The following ARSG variants were observed in gnomAD, a reference collection of about 807,000 sequenced individuals.
ARSG encodes ASG.
In ARSG, 37 loss-of-function variants were observed where a neutral mutation model predicts 50.5. The ratio of observed to expected loss-of-function variants is 0.73; its 90% CI spans 0.56 to 0.96. ARSG has a LOEUF of 0.96. Among genes scored for constraint, ARSG ranks in the 50% least tolerant of loss-of-function variants. The probability of loss-of-function intolerance (pLI) is 0.00; values close to 1 mark genes in which losing one functional copy is unlikely to be tolerated. For missense variants in ARSG, 629 were observed against 675.3 expected, an observed-to-expected ratio of 0.93 and a Z score of 0.76; for synonymous variants, 225 against 254.6, an observed-to-expected ratio of 0.88 and a Z score of 1.11.
At chr17:68,395,431 T>TA (rs1397230010) in intron 10 of ARSG, among the ~76,000 whole-genome samples, 1 of 152,134 alleles carries the variant, frequency 6.6e-6, no homozygotes, top group Non-Finnish European at 1.5e-5. Context: ...ATACTAAAGA[T>TA]ACAAAAATTA....
At chr17:68,424,604 G>A (rs542990415), downstream of ARSG, 15 of 471,510 alleles carry the variant, frequency 3.2e-5, no homozygotes, top group East Asian at 1.1e-4. Context: ...GGCCGGGTGC[G>A]GCGGTTCACG....
At chr17:68,356,901 GCA>G in intron 6 of ARSG, 97 bp downstream of exon 6, 2 of 1,469,602 alleles carry the variant, frequency 1.4e-6, no homozygotes, top group South Asian at 2.5e-5. Flanking sequence ...TGAGGCCATG[GCA>G]GAGTTTTGCT....
At chr17:68,350,602 G>A (rs1466185873) in intron 4 of ARSG, among the ~76,000 whole-genome samples, 3 of 151,924 alleles carry the variant, frequency 2.0e-5, no homozygotes, top group Non-Finnish European at 2.9e-5. Flanking sequence ...TGGCTAACAC[G>A]GTGAAAACCC....
intron 2 of ARSG, among the ~76,000 whole-genome samples, chr17:68,312,270 A>G (rs1227815853): frequency 6.6e-6 from 1 of 152,158 alleles, no homozygotes; most frequent in African/African-American, 2.4e-5. Flanking sequence ...TGGGCAATTA[A>G]TAAATATTTG....
chr17:68,303,193 T>C (rs1200879472), intron 1 of ARSG, among the ~76,000 whole-genome samples: 2 of 152,078 alleles, frequency 1.3e-5, no homozygotes, highest in African/African-American at 4.8e-5. Context: ...GGCACCATCA[T>C]AGCTCGCCAC....
chr17:68,323,535 G>A (rs1193537405), intron 2 of ARSG, among the ~76,000 whole-genome samples: 1 of 152,024 alleles, frequency 6.6e-6, no homozygotes, highest in Non-Finnish European at 1.5e-5. Context: ...TAGGTATGAG[G>A]CACCACTCCC....
chr17:68,435,653 G>A, the ARSG span: 6 of 1,614,108 alleles, frequency 3.7e-6, no homozygotes, highest in Non-Finnish European at 5.1e-6. Flanking sequence ...TGGAGCCTGA[G>A]GCATTGAAGG....
intron 1 of ARSG, among the ~76,000 whole-genome samples, chr17:68,262,044 C>G (rs1353020628): frequency 6.6e-6 from 1 of 151,780 alleles, no homozygotes; most frequent in Non-Finnish European, 1.5e-5. Context: ...GTAATCTCAG[C>G]TACTCAGGAG....
intron 1 of ARSG, among the ~76,000 whole-genome samples, chr17:68,299,100 CT>C (rs201821256): frequency 1.7e-3 from 175 of 105,482 alleles, no homozygotes; most frequent in African/African-American, 2.8e-3. Flanking sequence ...AAAAATTGAA[CT>C]TTTTTTTTTT....
chr17:68,408,011 CTT>C (rs77397594), intron 11 of ARSG, among the ~76,000 whole-genome samples: 24 of 129,668 alleles, frequency 1.9e-4, no homozygotes, highest in East Asian at 2.3e-4. Context: ...CTGTGGGTTT[CTT>C]TTTTTTTTTT....
At chr17:68,306,127 C>A (rs1029926588) in intron 1 of ARSG, among the ~76,000 whole-genome samples, 3 of 151,980 alleles carry the variant, frequency 2.0e-5, no homozygotes, top group Non-Finnish European at 4.4e-5. Flanking sequence ...CTCAGCCTCC[C>A]AAGTAGCTGG....
chr17:68,429,889 T>G, the ARSG span: 19 of 1,540,098 alleles, frequency 1.2e-5, no homozygotes, highest in Non-Finnish European at 1.6e-5. Context: ...GTGCCCAGCC[T>G]GGGGCAAGTT....
intron 2 of ARSG, among the ~76,000 whole-genome samples, chr17:68,335,553 CAAA>C (rs397856679): frequency 4.5e-5 from 4 of 89,842 alleles, no homozygotes; most frequent in African/African-American, 3.7e-5. Context: ...GACTCCATCT[CAAA>C]AAAAAAAAAA....
At chr17:68,316,377 G>A (rs2079110504) in intron 2 of ARSG, among the ~76,000 whole-genome samples, 2 of 152,178 alleles carry the variant, frequency 1.3e-5, no homozygotes, top group Non-Finnish European at 2.9e-5. Context: ...TTTGTTGCCT[G>A]TCTCTCCCAC....
At chr17:68,279,910 G>A (rs1420155368) in intron 1 of ARSG, among the ~76,000 whole-genome samples, 7 of 152,082 alleles carry the variant, frequency 4.6e-5, no homozygotes, top group South Asian at 4.1e-4. Flanking sequence ...GGCTGGGCGC[G>A]GTGGCTCACA....
intron 4 of ARSG, among the ~76,000 whole-genome samples, chr17:68,347,929 T>G (rs2078586076): frequency 6.6e-6 from 1 of 152,152 alleles, no homozygotes; most frequent in Non-Finnish European, 1.5e-5. Context: ...TCTCTCCCTA[T>G]CTCTATGGAA....
At chr17:68,283,496 G>T (rs2075764032) in intron 1 of ARSG, among the ~76,000 whole-genome samples, 1 of 150,534 alleles carries the variant, frequency 6.6e-6, no homozygotes, top group African/African-American at 2.4e-5. Flanking sequence ...ACTCCAGCCT[G>T]GGCGACAGAG....
At chr17:68,274,916 G>T (rs1034708304) in intron 1 of ARSG, among the ~76,000 whole-genome samples, 5 of 152,050 alleles carry the variant, frequency 3.3e-5, no homozygotes, top group Non-Finnish European at 7.4e-5. Context: ...AAGTAGCTGG[G>T]ATTACAGGCA....
intron 11 of ARSG, among the ~76,000 whole-genome samples, chr17:68,418,829 G>C (rs59615178): frequency 0.017 from 2,563 of 152,212 alleles, 81 homozygotes; most frequent in African/African-American, 0.059. Context: ...AAAAAGCTCT[G>C]CTTCTCCTGA....
Sources: gnomAD v4.1 joint callset for allele counts (sites outside exome capture counted in the v4.1 genomes callset) on GRCh38, gnomAD v4.1.1 for gene constraint, MANE v1.5 for transcripts, NCBI Gene and HGNC (gene_info 2026-07-23, HGNC 2026-07-21) for gene names.